SAMTOR: variants seen among roughly 807,000 people sequenced by gnomAD.
SAMTOR encodes S-adenosylmethionine sensor upstream of mTORC1, also known as UPF0532 protein C7orf60.
At chr7:112,878,988 T>C in the SAMTOR span, among the ~76,000 whole-genome samples, 4 of 152,050 alleles carry the variant, frequency 2.6e-5, no homozygotes, top group African/African-American at 9.7e-5. Context: ...ATTAACCAGA[T>C]GTGCGAAGTA....
chr7:112,922,197 A>C, the SAMTOR span, among the ~76,000 whole-genome samples: 3,425 of 152,238 alleles, frequency 0.022, 64 homozygotes, highest in Admixed American at 0.042. Context: ...ACCGCGAGTG[A>C]TCCGTCAGCC....
At chr7:112,893,676 G>C in the SAMTOR span, among the ~76,000 whole-genome samples, 13 of 152,192 alleles carry the variant, frequency 8.5e-5, no homozygotes, top group African/African-American at 3.1e-4. Flanking sequence ...GGCCGAGGTA[G>C]GTGGATCACG....
chr7:112,830,450 T>C, the SAMTOR span, among the ~76,000 whole-genome samples: 1 of 152,130 alleles, frequency 6.6e-6, no homozygotes, highest in South Asian at 2.1e-4. Context: ...GACTATACAA[T>C]TCAGTGTTTA....
At chr7:112,920,975 T>C in the SAMTOR span, among the ~76,000 whole-genome samples, 3 of 152,216 alleles carry the variant, frequency 2.0e-5, no homozygotes, top group Non-Finnish European at 4.4e-5. Flanking sequence ...GAACATTCCA[T>C]GCTCATGGAT....
At chr7:112,850,681 CTG>C in the SAMTOR span, among the ~76,000 whole-genome samples, 1 of 152,150 alleles carries the variant, frequency 6.6e-6, no homozygotes, top group African/African-American at 2.4e-5. Context: ...GGTTTCTAGT[CTG>C]TGCATGTAGT....
chr7:112,826,824 T>C, the SAMTOR span, among the ~76,000 whole-genome samples: 1 of 152,168 alleles, frequency 6.6e-6, no homozygotes, highest in Non-Finnish European at 1.5e-5. Context: ...TTCAAAAAAG[T>C]TCTAATTTCC....
chr7:112,863,011 C>T, the SAMTOR span, among the ~76,000 whole-genome samples: 2 of 152,000 alleles, frequency 1.3e-5, no homozygotes, highest in Non-Finnish European at 2.9e-5. Context: ...TCTGGCATCA[C>T]ACTACTTGAC....
the SAMTOR span, among the ~76,000 whole-genome samples, chr7:112,911,322 A>C: frequency 6.6e-6 from 1 of 152,158 alleles, no homozygotes; most frequent in Non-Finnish European, 1.5e-5. Context: ...AACAGGATTC[A>C]TTCACTATCA....
At chr7:112,833,283 C>T in the SAMTOR span, among the ~76,000 whole-genome samples, 9 of 152,274 alleles carry the variant, frequency 5.9e-5, no homozygotes, top group Middle Eastern at 3.4e-3. Flanking sequence ...TAATACTATA[C>T]ACACTACTAG....
At chr7:112,893,103 A>C in the SAMTOR span, among the ~76,000 whole-genome samples, 4 of 152,260 alleles carry the variant, frequency 2.6e-5, no homozygotes, top group Admixed American at 1.3e-4. Flanking sequence ...AGGATTTTCA[A>C]ATGGTAAATT....
chr7:112,845,491 T>A, the SAMTOR span, among the ~76,000 whole-genome samples: 1 of 152,002 alleles, frequency 6.6e-6, no homozygotes, highest in Non-Finnish European at 1.5e-5. Flanking sequence ...TAAAAAAAGC[T>A]CAATATCACT....
At chr7:112,860,079 A>G in the SAMTOR span, among the ~76,000 whole-genome samples, 2 of 152,148 alleles carry the variant, frequency 1.3e-5, no homozygotes, top group African/African-American at 4.8e-5. Flanking sequence ...TCATATTTCT[A>G]TGGTGCCTTT....
At chr7:112,895,602 T>G in the SAMTOR span, 6 of 1,576,626 alleles carry the variant, frequency 3.8e-6, no homozygotes, top group Admixed American at 6.7e-5. Flanking sequence ...AAAGCTGAGG[T>G]TGGTTAAATG....
At chr7:112,820,110 T>C in the SAMTOR span, 1 of 152,526 alleles carries the variant, frequency 6.6e-6, no homozygotes, top group African/African-American at 2.4e-5. Context: ...CCAATATTTA[T>C]TGCATTTAAT....
chr7:112,919,984 G>A, the SAMTOR span, among the ~76,000 whole-genome samples: 4 of 152,194 alleles, frequency 2.6e-5, no homozygotes, highest in Non-Finnish European at 5.9e-5. Context: ...AAGAGTCCAG[G>A]ACCAGATGGA....
At chr7:112,897,586 A>G in the SAMTOR span, among the ~76,000 whole-genome samples, 3 of 152,222 alleles carry the variant, frequency 2.0e-5, no homozygotes, top group African/African-American at 7.2e-5. Context: ...CAGATCAATA[A>G]AGAGAGCAAA....
the SAMTOR span, among the ~76,000 whole-genome samples, chr7:112,920,826 T>A: frequency 6.6e-6 from 1 of 151,896 alleles, no homozygotes; most frequent in Non-Finnish European, 1.5e-5. Context: ...AGCCAAATCA[T>A]GAGTGAACTC....
At chr7:112,902,168 C>T in the SAMTOR span, among the ~76,000 whole-genome samples, 1 of 151,302 alleles carries the variant, frequency 6.6e-6, no homozygotes. Flanking sequence ...TTTGGGAGGC[C>T]GAGGTGGGTG....
At chr7:112,825,102 A>G in the SAMTOR span, among the ~76,000 whole-genome samples, 352 of 151,962 alleles carry the variant, frequency 2.3e-3, 1 homozygote, top group African/African-American at 8.3e-3. Context: ...GCTCACTGCA[A>G]CCTCCACCCT....
Sources: gnomAD v4.1 joint callset for allele counts (sites outside exome capture counted in the v4.1 genomes callset) on GRCh38, gnomAD v4.1.1 for gene constraint, MANE v1.5 for transcripts, NCBI Gene and HGNC (gene_info 2026-07-23, HGNC 2026-07-21) for gene names.